The following LAMA1 variants were observed in gnomAD, a reference collection of about 807,000 sequenced individuals.
LAMA1 encodes laminin subunit alpha-1.
LAMA1 carries 219 observed loss-of-function variants against 348.7 expected under a neutral mutation model. That is an observed-to-expected ratio of 0.63 (90% CI 0.56 to 0.70). LAMA1 has a LOEUF of 0.70. Ranked by LOEUF, LAMA1 falls within the 30% of genes least tolerant of loss-of-function variation. The probability of loss-of-function intolerance (pLI) is 0.00; values close to 1 mark genes in which losing one functional copy is unlikely to be tolerated. For synonymous variants in LAMA1, 1,487 were observed against 1,491.0 expected, an observed-to-expected ratio of 1.00 and a Z score of 0.06; for missense variants, 3,744 against 3,888.0, an observed-to-expected ratio of 0.96 and a Z score of 0.99.
intron 50 of LAMA1, 110 bp from the exon 51 acceptor site, chr18:6,964,913 G>T: frequency 8.0e-7 from 1 of 1,255,340 alleles, no homozygotes; most frequent in Non-Finnish European, 1.1e-6. Context: ...TATTCTTTTA[G>T]ATTCTGCGAA....
At chr18:7,062,034 C>T (rs2058103994) in intron 3 of LAMA1, among the ~76,000 whole-genome samples, 2 of 152,174 alleles carry the variant, frequency 1.3e-5, no homozygotes. Context: ...GGACAAGGGA[C>T]GCCCACTAAC....
intron 13 of LAMA1, among the ~76,000 whole-genome samples, chr18:7,035,093 G>A (rs1037973799): frequency 6.6e-6 from 1 of 152,218 alleles, no homozygotes; most frequent in African/African-American, 2.4e-5. Flanking sequence ...TGTGCGGTCT[G>A]CAATTGGTCA....
intron 22 of LAMA1, among the ~76,000 whole-genome samples, chr18:7,015,080 C>T (rs2057880653): frequency 3.3e-5 from 5 of 152,132 alleles, no homozygotes; most frequent in Non-Finnish European, 5.9e-5. Flanking sequence ...AATCTCCTGA[C>T]CTTGTGATCT....
chr18:7,015,451 G>A (rs1236603009), intron 22 of LAMA1, among the ~76,000 whole-genome samples: 2 of 151,010 alleles, frequency 1.3e-5, no homozygotes, highest in South Asian at 2.1e-4. Context: ...TTTTTTAATC[G>A]TTATTTTTTG....
chr18:6,988,805 C>CACTAAAAAA (rs2057746392), intron 36 of LAMA1, among the ~76,000 whole-genome samples: 1 of 30,706 alleles, frequency 3.3e-5, no homozygotes, highest in Non-Finnish European at 6.0e-5. Context: ...GACTCCGTCT[C>CACTAAAAAA]AATAAAAAAA....
At chr18:7,050,556 G>A (rs1203202881) in intron 4 of LAMA1, 138 bp downstream of exon 4, 3 of 1,159,552 alleles carry the variant, frequency 2.6e-6, no homozygotes, top group Non-Finnish European at 3.7e-6. Context: ...ACTTATAATA[G>A]ACATGACTCA....
intron 15 of LAMA1, among the ~76,000 whole-genome samples, chr18:7,032,548 T>C (rs2057975099): frequency 6.6e-6 from 1 of 152,212 alleles, no homozygotes; most frequent in Non-Finnish European, 1.5e-5. Context: ...CAAGCGCATT[T>C]TCATATATTT....
intron 22 of LAMA1, among the ~76,000 whole-genome samples, chr18:7,015,090 T>C (rs980254466): frequency 2.0e-5 from 3 of 152,186 alleles, no homozygotes; most frequent in Admixed American, 6.5e-5. Flanking sequence ...CCTTGTGATC[T>C]GCCCACCTCG....
rs1168803796 is a variant in LAMA1 at position 7,044,587 on chromosome 18, T to C, written c.976+135A>G. 6 of 798,408 alleles carry C rather than the reference T, an allele frequency of 7.5e-6. No individual in the cohort carries two copies. In the East Asian group the frequency reaches 1.2e-4, roughly 16 times the overall value. 49.5% of individuals were successfully genotyped at this position (798,408 alleles called of 1,614,324 possible). On this transcript the variant is annotated intron_variant, in intron 7 of 62. Transcript: ENST00000389658. ...CACAATAGTTAAAATTTTAAGGTCA[T>C]CTGCAGCTTTGGAAACTACTTAAAT...
At chr18:7,070,491 T>C (rs1209086372) in intron 3 of LAMA1, among the ~76,000 whole-genome samples, 1 of 152,222 alleles carries the variant, frequency 6.6e-6, no homozygotes, top group Non-Finnish European at 1.5e-5. Flanking sequence ...ATAAATACTT[T>C]ATATTTGAAT....
chr18:6,993,815 T>C (rs962718250), intron 34 of LAMA1, 63 bp from the exon 35 acceptor site: 2 of 923,648 alleles, frequency 2.2e-6, no homozygotes, highest in African/African-American at 1.6e-5. Flanking sequence ...CTTTAAATAA[T>C]ACGCAAGTTG....
chr18:6,996,966 C>T (rs887466781), intron 33 of LAMA1, among the ~76,000 whole-genome samples: 7 of 152,130 alleles, frequency 4.6e-5, no homozygotes, highest in African/African-American at 7.2e-5. Flanking sequence ...ATTTTGTGCC[C>T]TGCAACTTTA....
Position 6,983,083 on chromosome 18 carries a change from C to A in LAMA1, c.5796+16G>T. ...CTCCCACAGAGCCCAGAAAAAGAAG[C>A]CACGTCGTTTCCTACCAGGCTCGTC... is the stretch of plus-strand genomic sequence containing the variant. On this transcript the variant is annotated intron_variant, in intron 40 of 62. Transcript: ENST00000389658. 4 of 1,614,030 alleles carry A rather than the reference C, an allele frequency of 2.5e-6. No homozygotes were observed. Among genetic ancestry groups the A allele is most frequent in the African/African-American group, 2.7e-5 (2 of 75,038 alleles).
Position 6,973,082 on chromosome 18 carries a change from A to G in LAMA1, c.6749T>C (p.Val2250Ala). The G allele has an allele frequency of 6.2e-7, 1 of 1,614,204 alleles. No homozygotes were observed. The highest frequency in any genetic ancestry group is 1.1e-5 in the South Asian group (1 of 91,084). The change falls in exon 47 of 63, where the codon GTT becomes GCT. Residue 2250 changes from valine to alanine, a missense_variant. Around this residue, in one of 3 missense-constraint regions of LAMA1, gnomAD observed 1,983 missense variants for 1,934.3 expected, o/e 1.03. Transcript: ENST00000389658. ...CTTGATTTGTCCTCCAAGACCTCCA[A>G]CAAACATGAGTGTTGAATTGTTTAC... ...LDVNNSTLMF[V>A]GGLGGQIKKS... is the part of the protein sequence containing the mutation.
chr18:7,086,368 C>T (rs1568062072), intron 1 of LAMA1, among the ~76,000 whole-genome samples: 1 of 152,206 alleles, frequency 6.6e-6, no homozygotes, highest in Non-Finnish European at 1.5e-5. Flanking sequence ...ACAGATACAA[C>T]GTCTTTCACT....
intron 48 of LAMA1, among the ~76,000 whole-genome samples, 157 bp downstream of exon 48, chr18:6,971,700 C>T (rs570092698): frequency 2.0e-5 from 3 of 151,834 alleles, no homozygotes; most frequent in East Asian, 3.9e-4. Flanking sequence ...TGACAATAAA[C>T]GTATGAAAAA....
At chr18:6,955,795 C>G in intron 56 of LAMA1, 1 of 400,698 alleles carries the variant, frequency 2.5e-6, no homozygotes, top group South Asian at 2.1e-5. Flanking sequence ...CCCGCCGTGA[C>G]CCGAGGTTTT....
At position 7,011,284 on chromosome 18, in the gene LAMA1, TG is replaced by T; in HGVS notation, c.3687+15del. On this transcript the variant is annotated intron_variant, in intron 25 of 62. Transcript: ENST00000389658. ...TAGGAAGCACCGACTGGCTCTCGGCTGGGCGTGCACCTCACCTGGTCTCCTT... is the reference window on the plus strand; with the variant it reads ...TAGGAAGCACCGACTGGCTCTCGGCTGGCGTGCACCTCACCTGGTCTCCTT... 6.2e-7 allele frequency: 1 copy of T among 1,609,794 alleles called. No homozygotes were observed. The highest frequency in any genetic ancestry group is 8.5e-7 in the Non-Finnish European group (1 of 1,178,964).
At chr18:7,111,235 G>T (rs1471833674) in intron 1 of LAMA1, among the ~76,000 whole-genome samples, 3 of 152,058 alleles carry the variant, frequency 2.0e-5, no homozygotes, top group African/African-American at 7.2e-5. Flanking sequence ...AAATGTGCAC[G>T]CACACTGAAG....
Sources: allele counts gnomAD v4.1 joint callset (sites outside exome capture counted in the v4.1 genomes callset), GRCh38; gene constraint gnomAD v4.1.1; regional missense constraint gnomAD v4.1.1; transcripts MANE v1.5; gene names NCBI Gene and HGNC (gene_info 2026-07-23, HGNC 2026-07-21).